The following SYNE1 variants were observed in gnomAD, a reference collection of about 807,000 sequenced individuals.
SYNE1 encodes spectrin repeat containing nuclear envelope protein 1, also known as nesprin-1.
A neutral mutation model predicts 1,111.0 loss-of-function variants in SYNE1; 616 were observed. The ratio of observed to expected loss-of-function variants is 0.55; its 90% confidence interval spans 0.52 to 0.59. The LOEUF (loss-of-function observed/expected upper bound fraction) is 0.59. SYNE1 is among the 20% of genes least tolerant of loss of function. The probability of loss-of-function intolerance (pLI) is 0.00; values close to 1 mark genes in which losing one functional copy is unlikely to be tolerated. For synonymous variants in SYNE1, 3,855 were observed against 3,825.8 expected, an observed-to-expected ratio of 1.01 and a Z score of -0.28; for missense variants, 10,006 against 10,417.0, an observed-to-expected ratio of 0.96 and a Z score of 1.72.
intron 101 of SYNE1, among the ~76,000 whole-genome samples, chr6:152,259,600 G>A (rs1419723225): frequency 6.6e-6 from 1 of 152,082 alleles, no homozygotes; most frequent in Admixed American, 6.6e-5. Context: ...CTTCTTAGTC[G>A]CAAGACCCTC....
chr6:152,332,678 G>C (rs1311161426), intron 77 of SYNE1, among the ~76,000 whole-genome samples: 1 of 152,196 alleles, frequency 6.6e-6, no homozygotes, highest in Non-Finnish European at 1.5e-5. Context: ...AGTACAATCT[G>C]TAAGGTATAA....
intron 130 of SYNE1, among the ~76,000 whole-genome samples, chr6:152,171,226 C>A (rs1246273947): frequency 1.3e-5 from 2 of 152,170 alleles, no homozygotes; most frequent in African/African-American, 2.4e-5. Context: ...CATGTGGTAA[C>A]CGAGGTGCTG....
At chr6:152,500,765 C>G (rs894091642) in intron 10 of SYNE1, among the ~76,000 whole-genome samples, 8 of 151,952 alleles carry the variant, frequency 5.3e-5, no homozygotes, top group Admixed American at 3.9e-4. Flanking sequence ...CTGGCTAACA[C>G]AGTGAAACCC....
At position 152,204,867 on chromosome 6, in the gene SYNE1, A is replaced by G. The variant is rs116866659; in HGVS notation, c.23019+1301T>C. Among the ~76,000 whole-genome samples, 8 of 152,302 alleles carry G rather than the reference A, an allele frequency of 5.3e-5. 1 individual carries two copies. The East Asian group carries it at 1.5e-3, about 29-fold the overall frequency. On this transcript the variant is annotated intron_variant, in intron 126 of 145. Transcript: ENST00000367255. Reference sequence around the variant, plus strand: ...GACATCATGCCTTATTAAGTCTTGGAAACATCTCCAAAAATCACATCACAA... The same window carrying G: ...GACATCATGCCTTATTAAGTCTTGGGAACATCTCCAAAAATCACATCACAA...
intron 126 of SYNE1, among the ~76,000 whole-genome samples, chr6:152,203,010 C>T (rs2075823512): frequency 6.6e-6 from 1 of 151,938 alleles, no homozygotes; most frequent in Non-Finnish European, 1.5e-5. Flanking sequence ...GAGGAATAGG[C>T]CAGGGCAGGT....
At chr6:152,394,880 G>T (rs1261322825) in intron 51 of SYNE1, among the ~76,000 whole-genome samples, 2 of 125,750 alleles carry the variant, frequency 1.6e-5, no homozygotes, top group African/African-American at 5.9e-5. Flanking sequence ...TTGCCTCCCG[G>T]ATTCAAGCAA....
At chr6:152,602,207 G>A (rs531978535) in intron 3 of SYNE1, among the ~76,000 whole-genome samples, 1 of 152,216 alleles carries the variant, frequency 6.6e-6, no homozygotes, top group South Asian at 2.1e-4. Flanking sequence ...TTCAGAATGT[G>A]ACCTTATTTA....
chr6:152,375,233 G>A (rs558632517), intron 58 of SYNE1, among the ~76,000 whole-genome samples: 23 of 152,266 alleles, frequency 1.5e-4, no homozygotes, highest in Middle Eastern at 3.4e-3. Context: ...GTGAGCCGCC[G>A]CGCCTGGCTT....
At chr6:152,452,843 C>T (rs1248127488) in intron 25 of SYNE1, among the ~76,000 whole-genome samples, 4 of 152,206 alleles carry the variant, frequency 2.6e-5, no homozygotes, top group Admixed American at 6.5e-5. Flanking sequence ...CGGAAGCCCG[C>T]GGGCCCCCGT....
At chr6:152,537,961 C>A (rs1339265249) in intron 4 of SYNE1, among the ~76,000 whole-genome samples, 1 of 152,146 alleles carries the variant, frequency 6.6e-6, no homozygotes, top group Non-Finnish European at 1.5e-5. Context: ...GTCAGTTTAT[C>A]TGAAAACATT....
Position 152,262,159 on chromosome 6 carries a change from A to G in SYNE1, c.18845T>C (p.Leu6282Ser). The G allele has an allele frequency of 6.2e-7, 1 of 1,613,918 alleles. No homozygotes were observed. The highest frequency in any genetic ancestry group is 2.2e-5 in the East Asian group (1 of 44,848). ...GGATGATTTCTCCCCTTCCATCCCC[A>G]ACTCCTGGGATAACACATCAGGTTT... is the stretch of plus-strand genomic sequence containing the variant. ...GEKPDVLSQELGMEGEKSSAE... is the reference protein window; with the variant it reads ...GEKPDVLSQESGMEGEKSSAE... Residue 6282 changes from leucine to serine, a missense_variant, in exon 101 of 146, where the codon TTG becomes TCG. Coordinates refer to ENST00000367255, the MANE Select transcript of SYNE1 (RefSeq NM_182961.4).
At chr6:152,637,137 G>C (rs1398833313) in intron 1 of SYNE1, 52 bp downstream of exon 1, 1 of 152,730 alleles carries the variant, frequency 6.5e-6, no homozygotes, top group Admixed American at 6.5e-5. Flanking sequence ...GGGATGCGCC[G>C]GTGCCTGGAA....
At chr6:152,517,247 T>G (rs2099116765) in intron 6 of SYNE1, among the ~76,000 whole-genome samples, 1 of 152,258 alleles carries the variant, frequency 6.6e-6, no homozygotes, top group Non-Finnish European at 1.5e-5. Flanking sequence ...TCTAATTAAT[T>G]CAGTGCATAT....
intron 65 of SYNE1, 46 bp from the exon 66 acceptor site, chr6:152,358,583 A>T: frequency 6.3e-7 from 1 of 1,598,452 alleles, no homozygotes; most frequent in Non-Finnish European, 8.6e-7. Context: ...ACATTACTTT[A>T]TAAAGCATCA....
At chr6:152,553,945 G>A (rs1037065752) in intron 3 of SYNE1, among the ~76,000 whole-genome samples, 5 of 152,112 alleles carry the variant, frequency 3.3e-5, no homozygotes, top group Non-Finnish European at 7.4e-5. Context: ...CCAAAATGAA[G>A]GCAAGGGGCT....
intron 41 of SYNE1, 113 bp downstream of exon 41, chr6:152,416,274 G>T: frequency 7.0e-7 from 1 of 1,435,020 alleles, no homozygotes; most frequent in South Asian, 1.2e-5. Flanking sequence ...AGTGAATTGG[G>T]GTCCTGAGTT....
intron 90 of SYNE1, 80 bp downstream of exon 90, chr6:152,309,755 G>T: frequency 1.3e-6 from 2 of 1,571,624 alleles, no homozygotes; most frequent in Admixed American, 1.7e-5. Flanking sequence ...TGTTTTGATG[G>T]CTGAGCCCAC....
intron 125 of SYNE1, 101 bp from the exon 126 acceptor site, chr6:152,206,463 G>A: frequency 7.6e-7 from 1 of 1,314,336 alleles, no homozygotes; most frequent in Middle Eastern, 2.6e-4. Flanking sequence ...CTTTCATCCA[G>A]CAAGCATTTA....
chr6:152,543,556 C>A (rs555880174), intron 3 of SYNE1, among the ~76,000 whole-genome samples: 2 of 152,108 alleles, frequency 1.3e-5, no homozygotes, highest in Non-Finnish European at 2.9e-5. Flanking sequence ...TGAACAATAA[C>A]ATTTCTTTTT....
Sources: gnomAD v4.1 joint callset for allele counts (sites outside exome capture counted in the v4.1 genomes callset) on GRCh38, gnomAD v4.1.1 for gene constraint, MANE v1.5 for transcripts, NCBI Gene and HGNC (gene_info 2026-07-23, HGNC 2026-07-21) for gene names.